The following ATRNL1 variants were observed in gnomAD, a reference collection of about 807,000 sequenced individuals.
The protein encoded by ATRNL1 is attractin-like protein 1.
In ATRNL1, 95 loss-of-function variants were observed where a neutral mutation model predicts 182.7. The observed-to-expected ratio is 0.52, with a 90% CI of 0.44 to 0.62. The LOEUF (loss-of-function observed/expected upper bound fraction) is 0.62. Ranked by LOEUF, ATRNL1 falls within the 20% of genes least tolerant of loss-of-function variation. The pLI is 0.00. For synonymous variants in ATRNL1, 576 were observed against 568.3 expected (o/e 1.01, Z -0.19); for missense variants, 1,471 against 1,679.5 (o/e 0.88, Z 2.17).
At chr10:115,378,082 T>G (rs1857778478) in intron 19 of ATRNL1, among the ~76,000 whole-genome samples, 1 of 152,156 alleles carries the variant, frequency 6.6e-6, no homozygotes, top group Non-Finnish European at 1.5e-5. Context: ...GGACTGGGAC[T>G]GAGTCACAGA....
chr10:115,639,975 C>T (rs564857239), intron 26 of ATRNL1, among the ~76,000 whole-genome samples: 3 of 151,972 alleles, frequency 2.0e-5, no homozygotes, highest in African/African-American at 4.8e-5. Context: ...TCCCCTGGCC[C>T]CCTACACCCC....
intron 21 of ATRNL1, among the ~76,000 whole-genome samples, chr10:115,453,945 A>G (rs1036662139): frequency 6.6e-6 from 1 of 151,884 alleles, no homozygotes; most frequent in Non-Finnish European, 1.5e-5. Flanking sequence ...CTTAAAGTAT[A>G]ATAATAATAA....
intron 22 of ATRNL1, among the ~76,000 whole-genome samples, chr10:115,463,809 A>T (rs185362053): frequency 1.2e-3 from 178 of 152,096 alleles, no homozygotes; most frequent in African/African-American, 4.0e-3. Context: ...AGGTTCATCC[A>T]TGTTGTAGCA....
At chr10:115,764,678 T>G (rs563608282) in intron 27 of ATRNL1, among the ~76,000 whole-genome samples, 11 of 152,262 alleles carry the variant, frequency 7.2e-5, no homozygotes, top group Non-Finnish European at 1.2e-4. Flanking sequence ...TTGTTTGTTT[T>G]TTTGTTGTTG....
intron 27 of ATRNL1, among the ~76,000 whole-genome samples, chr10:115,759,805 A>C (rs1330491703): frequency 7.1e-6 from 1 of 141,514 alleles, no homozygotes; most frequent in African/African-American, 2.7e-5. Context: ...CCTCCTGAGT[A>C]GCTGGGATTA....
intron 5 of ATRNL1, among the ~76,000 whole-genome samples, chr10:115,149,451 A>G (rs1364164604): frequency 1.3e-5 from 2 of 151,792 alleles, no homozygotes; most frequent in Non-Finnish European, 1.5e-5. Flanking sequence ...AACTCCTGTA[A>G]CAGTATGATA....
chr10:115,170,027 A>C (rs1847225059), intron 7 of ATRNL1, among the ~76,000 whole-genome samples: 1 of 152,100 alleles, frequency 6.6e-6, no homozygotes, highest in Non-Finnish European at 1.5e-5. Context: ...TATTAGCTCT[A>C]AGTGCTTTTT....
In ATRNL1 at chr10:115,338,277, G is replaced by A. The variant is rs114544002; in HGVS notation, c.3175+3858G>A. ...CAGCCATGGAATTGCTGGATCATAC[G>A]GTTGCTCAATTTTTAGTGTTTTGAG... On this transcript the variant is annotated intron_variant, in intron 19 of 28. Transcript: ENST00000355044. 3.6e-3 allele frequency among the ~76,000 whole-genome samples: 551 copies of A among 152,220 alleles called. 3 individuals carry two copies. Among genetic ancestry groups the A allele is most frequent in the African/African-American group, 0.011 (457 of 41,528 alleles).
chr10:115,281,589 T>G, intron 14 of ATRNL1, 102 bp downstream of exon 14: 2 of 1,179,338 alleles, frequency 1.7e-6, no homozygotes, highest in Non-Finnish European at 2.4e-6. Context: ...AAAATTAAAG[T>G]CATAGTAAAT....
At chr10:115,134,951 T>C (rs1268363769) in intron 5 of ATRNL1, among the ~76,000 whole-genome samples, 6 of 152,092 alleles carry the variant, frequency 3.9e-5, no homozygotes, top group Non-Finnish European at 7.3e-5. Flanking sequence ...ATTATCTCAA[T>C]AGATGCAGAA....
chr10:115,275,708 G>A (rs1341575375), intron 13 of ATRNL1, among the ~76,000 whole-genome samples: 3 of 152,182 alleles, frequency 2.0e-5, no homozygotes, highest in Non-Finnish European at 2.9e-5. Context: ...AAGGATGCCA[G>A]TGCTCCCCTC....
intron 28 of ATRNL1, among the ~76,000 whole-genome samples, chr10:115,920,740 G>A (rs1006597960): frequency 5.3e-5 from 8 of 152,122 alleles, no homozygotes; most frequent in Non-Finnish European, 7.3e-5. Flanking sequence ...AGCATTAGAC[G>A]GAACCATTAA....
intron 22 of ATRNL1, among the ~76,000 whole-genome samples, chr10:115,464,839 T>C (rs1165688044): frequency 1.4e-5 from 2 of 140,516 alleles, no homozygotes; most frequent in African/African-American, 5.5e-5. Context: ...GTTTCATTAA[T>C]AGTAAAAAAA....
intron 26 of ATRNL1, among the ~76,000 whole-genome samples, chr10:115,594,217 C>G (rs1421347227): frequency 6.6e-6 from 1 of 152,034 alleles, no homozygotes; most frequent in East Asian, 1.9e-4. Context: ...GTACTATAAT[C>G]TATACATATA....
At chr10:115,878,098 G>C (rs1435543775) in intron 28 of ATRNL1, among the ~76,000 whole-genome samples, 1 of 152,194 alleles carries the variant, frequency 6.6e-6, no homozygotes, top group Non-Finnish European at 1.5e-5. Flanking sequence ...CTCCTCTGTA[G>C]GGCTCTGCAG....
At chr10:115,345,539 C>A (rs1855938761) in intron 19 of ATRNL1, among the ~76,000 whole-genome samples, 1 of 152,160 alleles carries the variant, frequency 6.6e-6, no homozygotes, top group South Asian at 2.1e-4. Context: ...GCCTCTTTCA[C>A]TGATAGAAGT....
At chr10:115,792,918 A>G (rs1261284437) in intron 27 of ATRNL1, among the ~76,000 whole-genome samples, 5 of 152,058 alleles carry the variant, frequency 3.3e-5, no homozygotes, top group African/African-American at 1.2e-4. Context: ...GAGGGTACCT[A>G]GCTTCAGTGG....
intron 19 of ATRNL1, among the ~76,000 whole-genome samples, chr10:115,349,799 A>AAAAACAACAAT (rs1386054841): frequency 1.3e-5 from 2 of 151,936 alleles, no homozygotes; most frequent in Non-Finnish European, 2.9e-5. Context: ...TAATTGTATT[A>AAAAACAACAAT]TTATTATTAT....
rs536659950 is a variant in ATRNL1, at chr10:115,273,867, A to G, written c.2100+5423A>G. Reference sequence around the variant, plus strand: ...CTTCAGGGCCTCCTTGAGCCTGATCATGTATATACCACTTTTATTTGATGA... The same window carrying G: ...CTTCAGGGCCTCCTTGAGCCTGATCGTGTATATACCACTTTTATTTGATGA... On this transcript the variant is annotated intron_variant, in intron 13 of 28. Coordinates refer to ENST00000355044, the MANE Select transcript of ATRNL1 (RefSeq NM_207303.4). Among the ~76,000 whole-genome samples the G allele has an allele frequency of 7.2e-5, 11 of 152,270 alleles. No homozygotes were observed. In the East Asian group the frequency reaches 1.7e-3, roughly 24 times the overall value.
Sources: allele counts gnomAD v4.1 joint callset (sites outside exome capture counted in the v4.1 genomes callset), GRCh38; gene constraint gnomAD v4.1.1; transcripts MANE v1.5; gene names NCBI Gene and HGNC (gene_info 2026-07-23, HGNC 2026-07-21).